The following KCNC2 variants were observed in gnomAD, a reference collection of about 807,000 sequenced individuals.
The protein encoded by KCNC2 is voltage-gated potassium channel KCNC2.
Under a neutral mutation model 44.5 loss-of-function variants are expected in KCNC2, and 21 were observed. The observed-to-expected ratio is 0.47, with a 90% CI of 0.33 to 0.68. The LOEUF (loss-of-function observed/expected upper bound fraction) is 0.68. Among genes scored for constraint, KCNC2 ranks in the 30% least tolerant of loss-of-function variants. KCNC2 has a pLI of 0.01. For synonymous variants in KCNC2, 391 were observed against 339.1 expected (o/e 1.15, Z -1.68); for missense variants, 589 against 826.2 (o/e 0.71, Z 3.52).
At chr12:75,149,652 A>G (rs1890255744) in intron 2 of KCNC2, among the ~76,000 whole-genome samples, 1 of 151,812 alleles carries the variant, frequency 6.6e-6, no homozygotes, top group African/African-American at 2.4e-5. Flanking sequence ...TAAATAGCCA[A>G]TGTTTGTTTT....
chr12:75,051,248 C>T lies in KCNC2; in HGVS notation c.757G>A (p.Ala253Thr). 6.2e-7 allele frequency: 1 copy of T among 1,603,940 alleles called. No homozygotes were observed. Among genetic ancestry groups the T allele is most frequent in the Non-Finnish European group, 8.5e-7 (1 of 1,171,816 alleles). The change falls in exon 3 of 5, where the codon GCT (alanine) becomes ACT (threonine). Residue 253 changes from alanine (A) to threonine (T), a missense_variant. By Grantham distance (58) the Ala-to-Thr change is moderately conservative (BLOSUM62 0). This residue lies in a region of KCNC2 where 26 missense variants were observed against 50.4 expected (regional missense o/e 0.52). Transcript: ENST00000549446. ...GTCTTGTTTTTAACAATATTGAAAG[C>T]TTCATGTGTTTCCAGGCAAAAAGTT... ...ITTFCLETHE[A>T]FNIVKNKTEP...
At chr12:75,161,567 A>G (rs997354988) in intron 2 of KCNC2, among the ~76,000 whole-genome samples, 11 of 151,744 alleles carry the variant, frequency 7.2e-5, no homozygotes, top group Admixed American at 1.3e-4. Context: ...CTTTATTGCC[A>G]TCTTCTCCTC....
chr12:75,102,507 G>A (rs1483928997), intron 2 of KCNC2, among the ~76,000 whole-genome samples: 1 of 152,046 alleles, frequency 6.6e-6, no homozygotes, highest in Admixed American at 6.6e-5. Flanking sequence ...AAAAGCTACA[G>A]CAGTGCAAAT....
At chr12:75,127,960 T>C (rs1888554828) in intron 2 of KCNC2, among the ~76,000 whole-genome samples, 1 of 152,142 alleles carries the variant, frequency 6.6e-6, no homozygotes, top group South Asian at 2.1e-4. Context: ...ACTTTTCTTA[T>C]TATAATATCT....
In KCNC2 at chr12:75,113,301, C is replaced by T. The variant is rs1887393169; in HGVS notation, c.688-61984G>A. 1.3e-5 allele frequency among the ~76,000 whole-genome samples: 2 copies of T among 152,096 alleles called. 1 individual carries two copies. The highest frequency in any genetic ancestry group is 4.1e-4 in the South Asian group (2 of 4,832). ...GATTTGGACCAGTAAGGTAAACATA[C>T]TTAAGTTTCATAATAAAAGACCTCA... On this transcript the variant is annotated intron_variant, in intron 2 of 4. Coordinates refer to ENST00000549446, the MANE Select transcript of KCNC2 (RefSeq NM_139137.4).
intron 2 of KCNC2, among the ~76,000 whole-genome samples, chr12:75,064,384 T>C (rs12822199): frequency 0.16 from 24,811 of 151,982 alleles, 2,399 homozygotes; most frequent in Admixed American, 0.26. Context: ...GTCCATGTTA[T>C]CAATGTGATT....
intron 2 of KCNC2, among the ~76,000 whole-genome samples, chr12:75,128,105 A>G (rs969151548): frequency 2.0e-5 from 3 of 152,182 alleles, no homozygotes; most frequent in Non-Finnish European, 4.4e-5. Flanking sequence ...TATGGCCCAC[A>G]ATGGAAATCT....
intron 2 of KCNC2, among the ~76,000 whole-genome samples, chr12:75,196,362 G>A (rs568806763): frequency 6.6e-6 from 1 of 152,210 alleles, no homozygotes; most frequent in South Asian, 2.1e-4. Flanking sequence ...CTCAGGGAGA[G>A]ACAACTTATT....
At chr12:75,144,634 G>A (rs1448860009) in intron 2 of KCNC2, among the ~76,000 whole-genome samples, 1 of 147,284 alleles carries the variant, frequency 6.8e-6, no homozygotes, top group Non-Finnish European at 1.5e-5. Flanking sequence ...GTGTGTGTGT[G>A]TGTGTGTATA....
chr12:75,067,487 GA>G (rs1882952265), intron 2 of KCNC2, among the ~76,000 whole-genome samples: 1 of 152,140 alleles, frequency 6.6e-6, no homozygotes, highest in Non-Finnish European at 1.5e-5. Context: ...AGTCCTATGA[GA>G]ATGAAGAGAC....
intron 4 of KCNC2, among the ~76,000 whole-genome samples, chr12:75,047,278 A>G (rs988320144): frequency 1.3e-4 from 19 of 151,978 alleles, no homozygotes; most frequent in African/African-American, 4.6e-4. Flanking sequence ...AAAGGGGAGG[A>G]AAAGATCCCA....
chr12:75,107,010 G>A (rs12580088), intron 2 of KCNC2, among the ~76,000 whole-genome samples: 23,634 of 151,926 alleles, frequency 0.16, 1,968 homozygotes, highest in Middle Eastern at 0.23. Flanking sequence ...TCAGTCAAAA[G>A]TAATATCATG....
At chr12:75,091,425 A>C (rs1466680793) in intron 2 of KCNC2, among the ~76,000 whole-genome samples, 2 of 151,740 alleles carry the variant, frequency 1.3e-5, no homozygotes, top group Non-Finnish European at 3.0e-5. Context: ...ATGAGCCTGT[A>C]CTGGCAAGTC....
At chr12:75,092,776 A>G (rs1000143098) in intron 2 of KCNC2, among the ~76,000 whole-genome samples, 1 of 151,706 alleles carries the variant, frequency 6.6e-6, no homozygotes, top group South Asian at 2.1e-4. Context: ...CTAATACAAG[A>G]ATAACACACA....
chr12:75,166,498 C>T (rs543127575), intron 2 of KCNC2, among the ~76,000 whole-genome samples: 125 of 150,004 alleles, frequency 8.3e-4, no homozygotes, highest in African/African-American at 2.9e-3. Flanking sequence ...CCACCAACAT[C>T]AGCAGAATAC....
At chr12:75,190,849 T>C (rs1356781767) in intron 2 of KCNC2, among the ~76,000 whole-genome samples, 2 of 152,014 alleles carry the variant, frequency 1.3e-5, no homozygotes, top group African/African-American at 2.4e-5. Flanking sequence ...ACAAATTATA[T>C]GTATATAGTA....
At chr12:75,134,802 C>G (rs528274248) in intron 2 of KCNC2, among the ~76,000 whole-genome samples, 2 of 151,908 alleles carry the variant, frequency 1.3e-5, no homozygotes, top group African/African-American at 2.4e-5. Flanking sequence ...ATATAAAATA[C>G]AATGTGCATT....
chr12:75,115,479 A>G (rs2137259918), intron 2 of KCNC2, among the ~76,000 whole-genome samples: 1 of 152,132 alleles, frequency 6.6e-6, no homozygotes, highest in Non-Finnish European at 1.5e-5. Flanking sequence ...CATTTTGTTT[A>G]TTTACTTATT....
chr12:75,176,347 T>A (rs143238369), intron 2 of KCNC2, among the ~76,000 whole-genome samples: 1 of 152,198 alleles, frequency 6.6e-6, no homozygotes, highest in East Asian at 1.9e-4. Context: ...TGGTGTGGGC[T>A]ACTATCTTAA....
Sources: gnomAD v4.1 joint callset for allele counts (sites outside exome capture counted in the v4.1 genomes callset) on GRCh38, gnomAD v4.1.1 for gene constraint, gnomAD v4.1.1 regional missense constraint, MANE v1.5 for transcripts, NCBI Gene and HGNC (gene_info 2026-07-23, HGNC 2026-07-21) for gene names.